The following SLC25A23 variants were observed in gnomAD, a reference collection of about 807,000 sequenced individuals.
The protein encoded by SLC25A23 is mitochondrial adenyl nucleotide antiporter SLC25A23.
In SLC25A23, 32 loss-of-function variants were observed where a neutral mutation model predicts 53.9. The ratio of observed to expected loss-of-function variants is 0.59; its 90% CI spans 0.45 to 0.80. SLC25A23 has a LOEUF of 0.80. SLC25A23 is among the 30% of genes least tolerant of loss of function. The pLI is 0.00. For missense variants in SLC25A23, 575 were observed against 651.4 expected (o/e 0.88, Z 1.28); for synonymous variants, 275 against 264.5 (o/e 1.04, Z -0.38).
At chr19:6,438,579 T>A (rs2092364839), downstream of SLC25A23, 1 of 152,886 alleles carries the variant, frequency 6.5e-6, no homozygotes, top group Non-Finnish European at 1.5e-5. Context: ...CCAGGCACGG[T>A]GGCTCACACC....
At chr19:6,443,683 C>A (rs1216576590) in intron 9 of SLC25A23, 1 of 692,020 alleles carries the variant, frequency 1.4e-6, no homozygotes, top group Non-Finnish European at 2.6e-6. Context: ...AAAACACAAA[C>A]ACTAAAATTC....
rs763721207 is a variant in SLC25A23 at position 6,454,077 on chromosome 19, G to T, written c.807C>A (p.Ala269=). 3.7e-6 allele frequency: 6 copies of T among 1,612,966 alleles called. No homozygotes were observed. Among genetic ancestry groups the T allele is most frequent in the Non-Finnish European group, 5.1e-6 (6 of 1,179,678 alleles). ...KFMAYEQIKR[A]ILGQQETLHV... is the part of the protein sequence containing the mutation. ...GCAGTGTCTCCTGCTGCCCCAGGAT[G>T]GCCCTCTTGATCTGAGGCGGGGAGA... The change falls in exon 7 of 10, where the codon GCC becomes GCA. Residue 269 remains alanine, a synonymous_variant. Transcript: ENST00000301454. The surrounding 1 kb of genome is among the most constrained non-coding windows in gnomAD (Gnocchi z 4.3).
At chr19:6,439,384 ATCTCTCTC>A (rs71174914), downstream of SLC25A23, among the ~76,000 whole-genome samples, 11 of 137,810 alleles carry the variant, frequency 8.0e-5, no homozygotes, top group Non-Finnish European at 1.4e-4. Context: ...GTGAGATCCT[ATCTCTCTC>A]TCTCTCTCAC....
chr19:6,442,170 G>GT lies in SLC25A23; in HGVS notation c.1223-12_1223-11insA, dbSNP rs1344991408. ...CACCCTCGATGGAGGCTGGGAGGGG[G>GT]CGGGGGGGGCACCAGGTAAGGCCAA... On this transcript the variant is annotated splice_polypyrimidine_tract_variant and intron_variant, in intron 9 of 9. Transcript: ENST00000301454. 6.9e-7 allele frequency: 1 copy of GT among 1,454,770 alleles called. No individual in the cohort carries two copies. The highest frequency in any genetic ancestry group is 1.5e-5 in the African/African-American group (1 of 67,772). 90.1% of individuals were successfully genotyped at this position (1,454,770 alleles called of 1,614,324 possible).
intron 8 of SLC25A23, among the ~76,000 whole-genome samples, chr19:6,449,121 C>T (rs972180811): frequency 4.6e-5 from 7 of 152,046 alleles, no homozygotes; most frequent in Admixed American, 2.6e-4. Context: ...AGAGACTTCT[C>T]GGAGCCTTTA....
chr19:6,457,496 G>A lies in SLC25A23; in HGVS notation c.371+7C>T, dbSNP rs375633080. On this transcript the variant is annotated splice_region_variant and intron_variant, in intron 3 of 9. Transcript: ENST00000301454. ...TTACTTTGGATTCCAGACCCCCAGC[G>A]ACTCACCTGTGCAAAATTTTCTCAG... The A allele has an allele frequency of 2.5e-6, 4 of 1,613,624 alleles. No homozygotes were observed. The highest frequency in any genetic ancestry group is 1.7e-5 in the Admixed American group (1 of 59,994).
chr19:6,458,148 C>T (rs1234275954), intron 2 of SLC25A23, 50 bp downstream of exon 2: 1 of 1,598,208 alleles, frequency 6.3e-7, no homozygotes, highest in Non-Finnish European at 8.5e-7. Context: ...GTCTCTAGGG[C>T]CCCCACAGCC....
In SLC25A23 at chr19:6,454,800, A is replaced by G. The variant is rs897204559; in HGVS notation, c.484-83T>C. 39 of 1,513,344 alleles carry G rather than the reference A, an allele frequency of 2.6e-5. 1 individual carries two copies. Among genetic ancestry groups the G allele is most frequent in the African/African-American group, 5.5e-5 (4 of 72,576 alleles). The allele number at this position is 1,513,344 out of a possible 1,614,324, so 93.7% of individuals were successfully genotyped here. On this transcript the variant is annotated intron_variant, in intron 4 of 9. Transcript: ENST00000301454. The surrounding 1 kb of genome is among the most constrained non-coding windows in gnomAD (Gnocchi z 4.3). Reference sequence around the variant, plus strand: ...AGTCCTAAATAGGGGAGTCTCCTCTATGAATCCTAGGATACCCTAGAGTCT... The same window carrying G: ...AGTCCTAAATAGGGGAGTCTCCTCTGTGAATCCTAGGATACCCTAGAGTCT...
In SLC25A23 at chr19:6,447,758, C is replaced by A. The variant is rs1420449988; in HGVS notation, c.1072-3457G>T. Among the ~76,000 whole-genome samples the A allele has an allele frequency of 2.0e-5, 3 of 152,202 alleles. No individual in the cohort carries two copies. In the South Asian group the frequency reaches 6.2e-4, roughly 32 times the overall value. ...CAATCTCAGCTCACTGCAACCTCCA[C>A]CTCCCGGGTTCAAGAAATTCTCCTG... is the stretch of plus-strand genomic sequence containing the variant. On this transcript the variant is annotated intron_variant, in intron 8 of 9. Coordinates refer to ENST00000301454, the MANE Select transcript of SLC25A23 (RefSeq NM_024103.3).
At chr19:6,449,506 C>T (rs2092555997) in intron 8 of SLC25A23, among the ~76,000 whole-genome samples, 1 of 151,996 alleles carries the variant, frequency 6.6e-6, no homozygotes, top group Admixed American at 6.6e-5. Context: ...GCTCCGCTTC[C>T]CAGGTTCATG....
chr19:6,450,530 ACAC>A (rs1251726214), intron 8 of SLC25A23, among the ~76,000 whole-genome samples: 1 of 152,192 alleles, frequency 6.6e-6, no homozygotes, highest in African/African-American at 2.4e-5. Context: ...GTCTCATTCA[ACAC>A]CACAACTGCC....
At chr19:6,442,792 C>T (rs371673843) in intron 9 of SLC25A23, among the ~76,000 whole-genome samples, 1 of 152,270 alleles carries the variant, frequency 6.6e-6, no homozygotes, top group African/African-American at 2.4e-5. Flanking sequence ...CTCAGGTGAT[C>T]CATCCGCCTC....
intron 4 of SLC25A23, among the ~76,000 whole-genome samples, chr19:6,455,041 C>A (rs2092657766): frequency 6.6e-6 from 1 of 152,154 alleles, no homozygotes; most frequent in Non-Finnish European, 1.5e-5. Context: ...GTAGTCCCAG[C>A]ACTTTGGGAG....
rs1351457941 is a variant in SLC25A23 at position 6,452,537 on chromosome 19, A to G, written c.904-58T>C. 7.8e-6 allele frequency: 12 copies of G among 1,544,650 alleles called. No homozygotes were observed. The East Asian group carries it at 2.7e-4, about 35-fold the overall frequency. On this transcript the variant is annotated intron_variant, in intron 7 of 9. Transcript: ENST00000301454. ...GTCCCACCAAATCGCTACATCCAGGAATGAAGACACCTAGAAATAGCTACT... is the reference window on the plus strand; with the variant it reads ...GTCCCACCAAATCGCTACATCCAGGGATGAAGACACCTAGAAATAGCTACT...
At chr19:6,453,929 AG>A (rs2092632724) in intron 7 of SLC25A23, 51 bp downstream of exon 7, 16 of 1,444,426 alleles carry the variant, frequency 1.1e-5, no homozygotes, top group Non-Finnish European at 1.5e-5. Context: ...AGATGGGTAC[AG>A]CAGGCCCCCC....
intron 1 of SLC25A23, 91 bp from the exon 2 acceptor site, chr19:6,458,415 G>A (rs1442169929): frequency 1.4e-6 from 2 of 1,415,048 alleles, no homozygotes; most frequent in African/African-American, 2.9e-5. Flanking sequence ...GGAACCCAGA[G>A]CCCCCAGCGC....
chr19:6,444,744 T>G (rs1157597952), intron 8 of SLC25A23, among the ~76,000 whole-genome samples: 1 of 152,040 alleles, frequency 6.6e-6, no homozygotes, highest in South Asian at 2.1e-4. Context: ...CTTGGCTCAC[T>G]GCAATCTCCA....
At position 6,440,748 on chromosome 19, in the gene SLC25A23, C is replaced by A. The variant is rs1475561051; in HGVS notation, c.*1227G>T. The A allele has an allele frequency of 6.6e-6, 1 of 152,110 alleles. No individual in the cohort carries two copies. Among genetic ancestry groups the A allele is most frequent in the East Asian group, 1.9e-4 (1 of 5,200 alleles). The allele number at this position is 152,110 out of a possible 1,614,324, so 9.4% of individuals were successfully genotyped here. ...TTGCAGCCAGGACCTGGGCTTCCTTCCCCACAGACTCCCTCGACCATGCAA... is the reference window on the plus strand; with the variant it reads ...TTGCAGCCAGGACCTGGGCTTCCTTACCCACAGACTCCCTCGACCATGCAA... On this transcript the variant is annotated 3_prime_UTR_variant, in exon 10 of 10. Transcript: ENST00000301454.
chr19:6,449,857 CTTTTTT>C (rs142681286), intron 8 of SLC25A23, among the ~76,000 whole-genome samples: 3 of 127,164 alleles, frequency 2.4e-5, no homozygotes, highest in Admixed American at 7.9e-5. Flanking sequence ...ACTCACAACT[CTTTTTT>C]TTTTTTTTTT....
Sources: gnomAD v4.1 joint callset for allele counts (sites outside exome capture counted in the v4.1 genomes callset) on GRCh38, gnomAD v4.1.1 for gene constraint, Gnocchi (gnomAD v3.1) non-coding constraint, MANE v1.5 for transcripts, NCBI Gene and HGNC (gene_info 2026-07-23, HGNC 2026-07-21) for gene names.